TUT4: variants seen among roughly 807,000 people sequenced by gnomAD.
TUT4 encodes the protein terminal uridylyl transferase 4.
Under a neutral mutation model 192.2 loss-of-function variants are expected in TUT4, and 36 were observed. That is an observed-to-expected ratio of 0.19 (90% confidence interval 0.14 to 0.25). The LOEUF is 0.25. Among genes scored for constraint, TUT4 ranks in the 10% least tolerant of loss-of-function variants. The pLI is 1.00. For synonymous variants in TUT4, 618 were observed against 666.0 expected, an observed-to-expected ratio of 0.93 and a Z score of 1.11; for missense variants, 1,493 against 1,957.2, an observed-to-expected ratio of 0.76 and a Z score of 4.47.
chr1:52,437,129 G>T, intron 25 of TUT4, 151 bp from the exon 26 acceptor site: 1 of 1,047,206 alleles, frequency 9.5e-7, no homozygotes, highest in Non-Finnish European at 1.3e-6. Flanking sequence ...TGGCACACCT[G>T]CTCATTTGGC....
intron 2 of TUT4, among the ~76,000 whole-genome samples, chr1:52,519,127 T>G (rs557677027): frequency 1.3e-5 from 2 of 152,170 alleles, no homozygotes; most frequent in African/African-American, 2.4e-5. Flanking sequence ...AATCCAAATA[T>G]CCATCAACTG....
chr1:52,545,445 A>G (rs903356711), intron 1 of TUT4, among the ~76,000 whole-genome samples: 3 of 152,032 alleles, frequency 2.0e-5, no homozygotes, highest in Non-Finnish European at 2.9e-5. Context: ...CATGTATCTG[A>G]TAAGGGACTA....
intron 9 of TUT4, among the ~76,000 whole-genome samples, chr1:52,483,340 T>C (rs570905145): frequency 6.6e-6 from 1 of 152,346 alleles, no homozygotes; most frequent in African/African-American, 2.4e-5. Flanking sequence ...GTCTGATATA[T>C]GCATTTGAAA....
At position 52,445,774 on chromosome 1, in the gene TUT4, A is replaced by G. The variant is rs771163607; in HGVS notation, c.3822+13T>C. On this transcript the variant is annotated intron_variant, in intron 24 of 29. Transcript: ENST00000257177. ...AAAAGAAAAGATTCACAATTCATATAATGTAAACTTACAGCTTCTCTGCCA... is the reference window on the plus strand; with the variant it reads ...AAAAGAAAAGATTCACAATTCATATGATGTAAACTTACAGCTTCTCTGCCA... 1.3e-6 allele frequency: 2 copies of G among 1,574,212 alleles called. No individual in the cohort carries two copies. The highest frequency in any genetic ancestry group is 1.7e-6 in the Non-Finnish European group (2 of 1,153,310).
At chr1:52,527,481 G>A (rs980158811) in intron 1 of TUT4, among the ~76,000 whole-genome samples, 2 of 152,058 alleles carry the variant, frequency 1.3e-5, no homozygotes, top group African/African-American at 2.4e-5. Context: ...GGACCCAGGA[G>A]GCGGAGGTTG....
At chr1:52,526,994 A>G (rs907042433) in intron 1 of TUT4, among the ~76,000 whole-genome samples, 2 of 152,178 alleles carry the variant, frequency 1.3e-5, no homozygotes, top group Non-Finnish European at 2.9e-5. Flanking sequence ...ATTGTACTCC[A>G]GCCTGGGCAA....
Position 52,508,159 on chromosome 1 carries a change from C to T in TUT4, c.999+1437G>A, listed in dbSNP as rs568446503. ...GTTTCTTGCTTGCCCAGGTGAAACC[C>T]CGTCTCTATTAAAAATACAAAAATC... On this transcript the variant is annotated intron_variant, in intron 4 of 29. Transcript: ENST00000257177. Among the ~76,000 whole-genome samples, 15 of 151,898 alleles carry T rather than the reference C, an allele frequency of 9.9e-5. No homozygotes were observed. The South Asian group carries it at 3.1e-3, about 32-fold the overall frequency.
In TUT4 at chr1:52,525,461, A is replaced by G. The variant is rs79211617; in HGVS notation, c.718+102T>C. The G allele has an allele frequency of 2.6e-3, 3,730 of 1,419,870 alleles. 69 individuals carry two copies. In the African/African-American group the frequency reaches 0.046, roughly 17 times the overall value. 88.0% of individuals were successfully genotyped at this position (1,419,870 alleles called of 1,614,324 possible). A position where few individuals can be genotyped will look rare whatever the true frequency, so the allele number is the denominator to read the frequency against. On this transcript the variant is annotated intron_variant, in intron 2 of 29. Transcript: ENST00000257177. Reference sequence around the variant, plus strand: ...GTTTTCATACGGGAACAAAAGTGCTAAACAATTATGTATAAACATGACTTT... The same window carrying G: ...GTTTTCATACGGGAACAAAAGTGCTGAACAATTATGTATAAACATGACTTT...
At chr1:52,460,264 T>C (rs2148679080) in intron 19 of TUT4, among the ~76,000 whole-genome samples, 1 of 152,108 alleles carries the variant, frequency 6.6e-6, no homozygotes, top group Admixed American at 6.5e-5. Flanking sequence ...GGAGGATCAC[T>C]TGAGGTCAGG....
At chr1:52,547,129 A>G (rs1242928788) in intron 1 of TUT4, among the ~76,000 whole-genome samples, 4 of 150,260 alleles carry the variant, frequency 2.7e-5, no homozygotes, top group Non-Finnish European at 4.4e-5. Flanking sequence ...ACTGCACTTC[A>G]GCCTTGGTGA....
chr1:52,456,411 CAA>C (rs1157223640), intron 20 of TUT4, among the ~76,000 whole-genome samples: 1 of 12,000 alleles, frequency 8.3e-5, no homozygotes, highest in African/African-American at 2.1e-4. Context: ...GACTGTGTCT[CAA>C]AAAAAAAAAA....
At chr1:52,486,349 GAGTT>G (rs1486453284) in intron 9 of TUT4, among the ~76,000 whole-genome samples, 13 of 152,182 alleles carry the variant, frequency 8.5e-5, no homozygotes, top group African/African-American at 3.1e-4. Context: ...CTGCCACCTA[GAGTT>G]AAGAAGCTTT....
At chr1:52,529,361 G>C (rs531811079) in intron 1 of TUT4, among the ~76,000 whole-genome samples, 3 of 152,108 alleles carry the variant, frequency 2.0e-5, no homozygotes, top group Admixed American at 2.0e-4. Context: ...TATTATTCTT[G>C]ATAAGGTGTT....
chr1:52,459,145 GT>G (rs1661782590), intron 19 of TUT4, among the ~76,000 whole-genome samples: 1 of 152,116 alleles, frequency 6.6e-6, no homozygotes, highest in Non-Finnish European at 1.5e-5. Flanking sequence ...AGTTAGCCGG[GT>G]GTGGTGGCGG....
intron 1 of TUT4, among the ~76,000 whole-genome samples, chr1:52,542,560 G>C (rs962842594): frequency 6.6e-6 from 1 of 152,026 alleles, no homozygotes. Context: ...TGCAGACGAA[G>C]AATCTGACAA....
At chr1:52,477,600 T>C in intron 12 of TUT4, 108 bp downstream of exon 12, 6 of 1,047,668 alleles carry the variant, frequency 5.7e-6, no homozygotes, top group Middle Eastern at 3.0e-4. Context: ...GACAATCTAG[T>C]GACATATATA....
At chr1:52,544,784 T>C (rs1418601687) in intron 1 of TUT4, among the ~76,000 whole-genome samples, 1 of 152,072 alleles carries the variant, frequency 6.6e-6, no homozygotes, top group Non-Finnish European at 1.5e-5. Flanking sequence ...AGGCTAGGCA[T>C]GGTGGCTCAC....
intron 1 of TUT4, among the ~76,000 whole-genome samples, chr1:52,543,140 AAAG>A (rs759000274): frequency 1.3e-4 from 20 of 152,308 alleles, no homozygotes; most frequent in South Asian, 8.3e-4. Context: ...CTCAATTGGA[AAAG>A]AAGAAGTAAA....
chr1:52,541,267 T>C (rs1207366896), intron 1 of TUT4, among the ~76,000 whole-genome samples: 3 of 148,986 alleles, frequency 2.0e-5, no homozygotes, highest in African/African-American at 7.4e-5. Flanking sequence ...GCACGGGGGC[T>C]CACGCCTGTA....
Sources: allele counts gnomAD v4.1 joint callset (sites outside exome capture counted in the v4.1 genomes callset), GRCh38; gene constraint gnomAD v4.1.1; transcripts MANE v1.5; gene names NCBI Gene and HGNC (gene_info 2026-07-23, HGNC 2026-07-21).